The following PBX3 variants were observed in gnomAD, a reference collection of about 807,000 sequenced individuals.
The protein encoded by PBX3 is PBX homeobox 3.
In PBX3, 14 loss-of-function variants were observed where a neutral mutation model predicts 48.5. The ratio of observed to expected loss-of-function variants is 0.29; its 90% confidence interval spans 0.19 to 0.45. PBX3 has a LOEUF of 0.45. Among genes scored for constraint, PBX3 ranks in the 20% least tolerant of loss-of-function variants. The pLI is 1.00. For missense variants in PBX3, 386 were observed against 546.7 expected (o/e 0.71, Z 2.93); for synonymous variants, 210 against 200.3 (o/e 1.05, Z -0.41).
chr9:125,938,856 T>C (rs918028413), intron 5 of PBX3, among the ~76,000 whole-genome samples: 2 of 152,170 alleles, frequency 1.3e-5, no homozygotes, highest in African/African-American at 4.8e-5. Context: ...AATTGTACTA[T>C]GGTTATGTGA....
chr9:125,780,397 C>T (rs1307682547), intron 2 of PBX3, among the ~76,000 whole-genome samples: 7 of 110,168 alleles, frequency 6.4e-5, no homozygotes, highest in Admixed American at 2.6e-4. Flanking sequence ...GACGGGGCGG[C>T]TGGCCGGGCG....
At chr9:125,813,763 A>G (rs979179129) in intron 2 of PBX3, among the ~76,000 whole-genome samples, 9 of 152,146 alleles carry the variant, frequency 5.9e-5, no homozygotes, top group African/African-American at 2.2e-4. Flanking sequence ...CTTTTAGTGG[A>G]TAATGACATT....
At chr9:125,784,085 C>G (rs539216441) in intron 2 of PBX3, among the ~76,000 whole-genome samples, 1 of 152,164 alleles carries the variant, frequency 6.6e-6, no homozygotes, top group African/African-American at 2.4e-5. Context: ...TTAATGTCTT[C>G]TGTGGATGGG....
intron 2 of PBX3, among the ~76,000 whole-genome samples, chr9:125,786,352 C>T (rs1263856480): frequency 6.6e-6 from 1 of 152,146 alleles, no homozygotes; most frequent in African/African-American, 2.4e-5. Context: ...GGCAGAAAAC[C>T]AATGGGCACA....
intron 2 of PBX3, among the ~76,000 whole-genome samples, chr9:125,825,485 CTTTTT>C (rs781544459): frequency 7.1e-6 from 1 of 140,990 alleles, no homozygotes; most frequent in Non-Finnish European, 1.6e-5. Flanking sequence ...TATTGTTTTA[CTTTTT>C]TTTTTTTTTA....
At chr9:125,875,202 C>CT (rs1245361688) in intron 2 of PBX3, among the ~76,000 whole-genome samples, 1 of 152,150 alleles carries the variant, frequency 6.6e-6, no homozygotes, top group Non-Finnish European at 1.5e-5. Context: ...GAAAAAGTAA[C>CT]TTACCAATTC....
intron 2 of PBX3, among the ~76,000 whole-genome samples, chr9:125,885,600 A>G: frequency 6.6e-6 from 1 of 152,146 alleles, no homozygotes; most frequent in East Asian, 1.9e-4. Flanking sequence ...CAACTGTGAC[A>G]CAAGTGCAAC....
intron 2 of PBX3, among the ~76,000 whole-genome samples, chr9:125,851,352 G>T (rs1839571422): frequency 6.6e-6 from 1 of 152,010 alleles, no homozygotes; most frequent in Non-Finnish European, 1.5e-5. Flanking sequence ...GCCATTCGCA[G>T]ATTGTGTCCA....
intron 2 of PBX3, among the ~76,000 whole-genome samples, chr9:125,853,597 G>C (rs1162639411): frequency 6.6e-6 from 1 of 152,168 alleles, no homozygotes; most frequent in Non-Finnish European, 1.5e-5. Flanking sequence ...GGTGGGAAAA[G>C]AAAGGAAAAT....
At chr9:125,748,511 T>G in intron 1 of PBX3, 39 bp from the exon 2 acceptor site, 1 of 1,605,360 alleles carries the variant, frequency 6.2e-7, no homozygotes, top group East Asian at 2.2e-5. Flanking sequence ...ATTCCATAGG[T>G]GATGCTAATA....
Position 125,753,322 on chromosome 9 carries a change from C to T in PBX3, c.274+4699C>T, listed in dbSNP as rs186889994. On this transcript the variant is annotated intron_variant, in intron 2 of 8. Coordinates refer to ENST00000373489, the MANE Select transcript of PBX3 (RefSeq NM_006195.6). ...CTATTTTTATAGATTTGGTATCTTA[C>T]TGGAGCTTTTGTAGGAGGTTTTCAG... Among the ~76,000 whole-genome samples, 4 of 148,964 alleles carry T rather than the reference C, an allele frequency of 2.7e-5. No homozygotes were observed. In the East Asian group the frequency reaches 5.9e-4, roughly 22 times the overall value.
chr9:125,819,254 C>A (rs558268387), intron 2 of PBX3, among the ~76,000 whole-genome samples: 1 of 151,786 alleles, frequency 6.6e-6, no homozygotes, highest in Non-Finnish European at 1.5e-5. Flanking sequence ...CAAGGCCAGG[C>A]GGGGTGGCTC....
intron 5 of PBX3, chr9:125,949,520 T>G: frequency 6.5e-7 from 1 of 1,539,280 alleles, no homozygotes; most frequent in Non-Finnish European, 8.8e-7. Context: ...CTGATGGACC[T>G]ATACTGTGTA....
intron 5 of PBX3, among the ~76,000 whole-genome samples, chr9:125,948,422 G>A (rs1422458839): frequency 2.0e-5 from 3 of 152,098 alleles, no homozygotes; most frequent in African/African-American, 2.4e-5. Flanking sequence ...AATCAAACTA[G>A]AAATGACAAA....
chr9:125,915,501 T>G (rs1841307150), intron 2 of PBX3, among the ~76,000 whole-genome samples, 185 bp from the exon 3 acceptor site: 1 of 152,174 alleles, frequency 6.6e-6, no homozygotes, highest in South Asian at 2.1e-4. Flanking sequence ...ATGTAAACAC[T>G]ATCTTAAAAA....
chr9:125,915,210 G>C (rs1262518409), intron 2 of PBX3, among the ~76,000 whole-genome samples: 1 of 152,122 alleles, frequency 6.6e-6, no homozygotes, highest in Non-Finnish European at 1.5e-5. Context: ...ATTACAGCTT[G>C]TGAATTAACT....
At chr9:125,933,573 C>T (rs1486344551) in intron 4 of PBX3, among the ~76,000 whole-genome samples, 5 of 152,120 alleles carry the variant, frequency 3.3e-5, no homozygotes, top group Admixed American at 3.3e-4. Flanking sequence ...GGGCCTTGCT[C>T]CTGGGCACCA....
intron 5 of PBX3, among the ~76,000 whole-genome samples, chr9:125,959,935 C>T (rs183248196): frequency 6.6e-6 from 1 of 152,294 alleles, no homozygotes; most frequent in Admixed American, 6.5e-5. Flanking sequence ...CTCTGCTCTC[C>T]TTGACGTGTG....
intron 2 of PBX3, among the ~76,000 whole-genome samples, chr9:125,816,956 T>G (rs1487823313): frequency 6.6e-6 from 1 of 152,236 alleles, no homozygotes; most frequent in Admixed American, 6.5e-5. Context: ...ACCAGAGTTC[T>G]TATATGGTTT....
Sources: allele counts gnomAD v4.1 joint callset (sites outside exome capture counted in the v4.1 genomes callset), GRCh38; gene constraint gnomAD v4.1.1; transcripts MANE v1.5; gene names NCBI Gene and HGNC (gene_info 2026-07-23, HGNC 2026-07-21).